Variants in MED26 observed in about 807,000 individuals in gnomAD.
MED26 encodes the protein mediator complex subunit 26.
MED26 carries 7 observed loss-of-function variants against 43.7 expected under a neutral mutation model. The ratio of observed to expected loss-of-function variants is 0.16; its 90% CI spans 0.09 to 0.30. MED26 has a LOEUF of 0.30. MED26 is among the 10% of genes least tolerant of loss of function. The pLI is 1.00. For missense variants in MED26, 784 were observed against 840.6 expected (o/e 0.93, Z 0.83); for synonymous variants, 375 against 371.1 (o/e 1.01, Z -0.12).
rs939088999 is a variant in MED26 at position 16,587,874 on chromosome 19, C to A, written c.73-9465G>T. On this transcript the variant is annotated intron_variant, in intron 1 of 2. Coordinates refer to ENST00000263390, the MANE Select transcript of MED26 (RefSeq NM_004831.5). The surrounding 1 kb of genome is among the most constrained non-coding windows in gnomAD (Gnocchi z 4.9). ...GAAAGAGGAAGCCCAGGGCTTGGGG[C>A]AGAAGTAGGAGCTCCATCAGTAGGC... 2 of 152,276 alleles carry A rather than the reference C, an allele frequency of 1.3e-5. No individual in the cohort carries two copies. Among genetic ancestry groups the A allele is most frequent in the African/African-American group, 4.8e-5 (2 of 41,470 alleles). 9.4% of individuals were successfully genotyped at this position (152,276 alleles called of 1,614,324 possible).
Position 16,580,651 on chromosome 19 carries a change from G to A in MED26, c.73-2242C>T, listed in dbSNP as rs370959814. Among the ~76,000 whole-genome samples, 82 of 152,162 alleles carry A rather than the reference G, an allele frequency of 5.4e-4. 1 individual carries two copies. Among genetic ancestry groups the A allele is most frequent in the African/African-American group, 1.8e-3 (74 of 41,492 alleles). On this transcript the variant is annotated intron_variant, in intron 1 of 2. Coordinates refer to ENST00000263390, the MANE Select transcript of MED26 (RefSeq NM_004831.5). ...CTCCCAAAGTGCTGGGATTACAAGC[G>A]TGAGCCACTGCACCCGGCCCAGAGT...
In MED26 at chr19:16,575,731, A is replaced by T. The variant is rs2085990752; in HGVS notation, c.*296T>A. The T allele has an allele frequency of 5.2e-6, 2 of 384,088 alleles. No homozygotes were observed. The highest frequency in any genetic ancestry group is 9.6e-6 in the Non-Finnish European group (2 of 207,532). The allele number at this position is 384,088 out of a possible 1,614,324, so 23.8% of individuals were successfully genotyped here. Reference sequence around the variant, plus strand: ...GTCCGCACCTCTTTGGGGGTGAGGGACTAACGCTTTTTATAGCTGGTTTGC... The same window carrying T: ...GTCCGCACCTCTTTGGGGGTGAGGGTCTAACGCTTTTTATAGCTGGTTTGC... On this transcript the variant is annotated 3_prime_UTR_variant, in exon 3 of 3. Transcript: ENST00000263390.
rs869040520 is a variant in MED26 at position 16,609,941 on chromosome 19, TAAAAAAA to T, written c.72+17924_72+17930del. ...TATGTTCTTGGACACAAGCACTCTT[TAAAAAAA>T]AAAAAAAAAAAAAAAAAAGGCAATG... On this transcript the variant is annotated intron_variant, in intron 1 of 2. Transcript: ENST00000263390. Among the ~76,000 whole-genome samples, 20 of 84,668 alleles carry T rather than the reference TAAAAAAA, an allele frequency of 2.4e-4. No individual in the cohort carries two copies. The South Asian group carries it at 6.6e-3, about 28-fold the overall frequency. 55.5% of individuals were successfully genotyped at this position (84,668 alleles called of 152,430 possible).
chr19:16,589,590 G>C (rs561747984), intron 1 of MED26, among the ~76,000 whole-genome samples: 1 of 152,284 alleles, frequency 6.6e-6, no homozygotes, highest in South Asian at 2.1e-4. Context: ...GGTGAGAGCA[G>C]TCAGGGTAGT....
intron 1 of MED26, among the ~76,000 whole-genome samples, chr19:16,589,647 G>T (rs1390759877): frequency 6.6e-6 from 1 of 152,206 alleles, no homozygotes; most frequent in Non-Finnish European, 1.5e-5. Flanking sequence ...TGGCTTCAGG[G>T]GAAAGGCTCT....
At chr19:16,619,485 C>G (rs2086241783) in intron 1 of MED26, among the ~76,000 whole-genome samples, 1 of 152,238 alleles carries the variant, frequency 6.6e-6, no homozygotes, top group African/African-American at 2.4e-5. Context: ...CAAAACAAGT[C>G]ATCAAGGGGA....
intron 1 of MED26, chr19:16,578,723 T>G (rs1474287256): frequency 5.8e-6 from 2 of 345,120 alleles, no homozygotes; most frequent in Non-Finnish European, 1.1e-5. Flanking sequence ...CTCCTGATAC[T>G]TAAGATGACC....
intron 1 of MED26, among the ~76,000 whole-genome samples, chr19:16,618,786 G>A (rs1410153970): frequency 6.6e-6 from 1 of 152,216 alleles, no homozygotes; most frequent in Non-Finnish European, 1.5e-5. Flanking sequence ...AGATTCAGGG[G>A]TAAGCCAATC....
intron 1 of MED26, among the ~76,000 whole-genome samples, chr19:16,603,827 C>A (rs2086160822): frequency 6.6e-6 from 1 of 152,110 alleles, no homozygotes; most frequent in South Asian, 2.1e-4. Context: ...GGTGAGAGGA[C>A]CCCGAGGTTG....
At chr19:16,581,250 T>G (rs1422523870) in intron 1 of MED26, among the ~76,000 whole-genome samples, 1 of 152,196 alleles carries the variant, frequency 6.6e-6, no homozygotes, top group African/African-American at 2.4e-5. Flanking sequence ...AAAACCCTGC[T>G]TCAAGCTGTG....
rs768291451 is a variant in MED26, at chr19:16,577,148, G to A, written c.682C>T (p.Pro228Ser). 8.1e-6 allele frequency: 13 copies of A among 1,613,206 alleles called. No homozygotes were observed. Among genetic ancestry groups the A allele is most frequent in the Non-Finnish European group, 1.1e-5 (13 of 1,179,930 alleles). The change falls in exon 3 of 3, where the codon CCG (proline) becomes TCG (serine). Residue 228 changes from proline (P) to serine (S), a missense_variant. Pro to Ser is a moderately conservative substitution (Grantham distance 74). Coordinates refer to ENST00000263390, the MANE Select transcript of MED26 (RefSeq NM_004831.5). This position sits in a 1 kb window ranked among gnomAD's most constrained non-coding sequence, Gnocchi z 8.1. ...SGKIPVNAVR[P>S]HTSSPGLGKP... is the part of the protein sequence containing the mutation. ...CCCAGGCCCGGGGAGCTGGTGTGCG[G>A]TCGCACGGCGTTGACGGGGATCTTG...
In MED26 at chr19:16,577,638, G is replaced by C. The variant is rs778047964; in HGVS notation, c.192C>G (p.Thr64=). Residue 64 remains threonine (T), a synonymous_variant, in exon 3 of 3, where the codon ACC becomes ACG. Coordinates refer to ENST00000263390, the MANE Select transcript of MED26 (RefSeq NM_004831.5). This position sits in a 1 kb window ranked among gnomAD's most constrained non-coding sequence, Gnocchi z 8.1. ...GKLINDVRKK[T]KNEELAKRAK... ...CCCGCTTGGCGAGCTCCTCGTTCTT[G>C]GTTTTCTTGCGGACGTCGTTGATGA... The C allele has an allele frequency of 1.9e-6, 3 of 1,589,128 alleles. No homozygotes were observed. The highest frequency in any genetic ancestry group is 2.2e-5 in the South Asian group (2 of 89,996).
Position 16,577,593 on chromosome 19 carries a change from G to C in MED26, c.237C>G (p.Ser79Arg). Residue 79 changes from serine to arginine, a missense_variant, in exon 3 of 3, where the codon AGC (serine) becomes AGG (arginine). By Grantham distance (110) the Ser-to-Arg change is moderately radical (BLOSUM62 -1). Coordinates refer to ENST00000263390, the MANE Select transcript of MED26 (RefSeq NM_004831.5). The surrounding 1 kb of genome is among the most constrained non-coding windows in gnomAD (Gnocchi z 8.1). ...GTGCCGGCTCGATGAGCTTCTGCCAGCTCCGCAGCAGCTTCTTGGCCCGCT... is the reference window on the plus strand; with the variant it reads ...GTGCCGGCTCGATGAGCTTCTGCCACCTCCGCAGCAGCTTCTTGGCCCGCT... ...LAKRAKKLLR[S>R]WQKLIEPAHQ... 6.2e-7 allele frequency: 1 copy of C among 1,608,226 alleles called. No individual in the cohort carries two copies. Among genetic ancestry groups the C allele is most frequent in the Non-Finnish European group, 8.5e-7 (1 of 1,175,706 alleles).
intron 1 of MED26, among the ~76,000 whole-genome samples, chr19:16,615,503 T>C (rs545740901): frequency 6.6e-6 from 1 of 152,218 alleles, no homozygotes; most frequent in East Asian, 1.9e-4. Context: ...TCCCAGCACT[T>C]TGGGAGGCCA....
chr19:16,601,008 T>C (rs1036761462), intron 1 of MED26, among the ~76,000 whole-genome samples: 8 of 151,790 alleles, frequency 5.3e-5, no homozygotes, highest in African/African-American at 1.9e-4. Context: ...GCACGAAAAT[T>C]GAACCCAGGA....
chr19:16,577,708 T>A lies in MED26; in HGVS notation c.148-26A>T, dbSNP rs1223476715. On this transcript the variant is annotated intron_variant, in intron 2 of 2. Coordinates refer to ENST00000263390, the MANE Select transcript of MED26 (RefSeq NM_004831.5). This position sits in a 1 kb window ranked among gnomAD's most constrained non-coding sequence, Gnocchi z 8.1. Reference sequence around the variant, plus strand: ...CTACAACCAGAGGGAGATGATGACATACTTTCGGGACAGGAACTTCTCCAT... The same window carrying A: ...CTACAACCAGAGGGAGATGATGACAAACTTTCGGGACAGGAACTTCTCCAT... 6.5e-7 allele frequency: 1 copy of A among 1,527,258 alleles called. No individual in the cohort carries two copies. Among genetic ancestry groups the A allele is most frequent in the Non-Finnish European group, 8.8e-7 (1 of 1,130,854 alleles). 94.6% of individuals were successfully genotyped at this position (1,527,258 alleles called of 1,614,324 possible).
In MED26 at chr19:16,587,523, C is replaced by T. The variant is rs1225782103; in HGVS notation, c.73-9114G>A. 6.6e-6 allele frequency: 1 copy of T among 152,284 alleles called. No homozygotes were observed. Among genetic ancestry groups the T allele is most frequent in the African/African-American group, 2.4e-5 (1 of 41,458 alleles). The allele number at this position is 152,284 out of a possible 1,614,324, so 9.4% of individuals were successfully genotyped here. ...GGGACCTCATGGGAGCCTCAAACCC[C>T]AGGGGCAAAGCCTCAAGTTCACAGC... On this transcript the variant is annotated intron_variant, in intron 1 of 2. Transcript: ENST00000263390. The surrounding 1 kb of genome is among the most constrained non-coding windows in gnomAD (Gnocchi z 4.9).
rs1471470528 is a variant in MED26 at position 16,577,812 on chromosome 19, C to G, written c.148-130G>C. 1 of 632,408 alleles carries G rather than the reference C, an allele frequency of 1.6e-6. No homozygotes were observed. Among genetic ancestry groups the G allele is most frequent in the African/African-American group, 1.9e-5 (1 of 53,196 alleles). The allele number at this position is 632,408 out of a possible 1,614,324, so 39.2% of individuals were successfully genotyped here. On this transcript the variant is annotated intron_variant, in intron 2 of 2. Coordinates refer to ENST00000263390, the MANE Select transcript of MED26 (RefSeq NM_004831.5). The surrounding 1 kb of genome is among the most constrained non-coding windows in gnomAD (Gnocchi z 8.1). ...CCACTGAGCCCTAAACTGCCAGCTT[C>G]CCTGACACAAAACTTCTGGGGATTT...
At chr19:16,617,151 G>C (rs1288634536) in intron 1 of MED26, among the ~76,000 whole-genome samples, 4 of 152,108 alleles carry the variant, frequency 2.6e-5, no homozygotes, top group Admixed American at 6.5e-5. Flanking sequence ...TCCTTGTTGG[G>C]CTGACAGCGT....
Sources: gnomAD v4.1 joint callset for allele counts (sites outside exome capture counted in the v4.1 genomes callset) on GRCh38, gnomAD v4.1.1 for gene constraint, Gnocchi (gnomAD v3.1) non-coding constraint, MANE v1.5 for transcripts, NCBI Gene and HGNC (gene_info 2026-07-23, HGNC 2026-07-21) for gene names.